Variants in AKAP13 observed in about 807,000 individuals in gnomAD.
AKAP13 encodes A-kinase anchoring protein 13, also known as A-kinase anchor protein 13.
In AKAP13, 80 loss-of-function variants were observed where a neutral mutation model predicts 264.5. That is an observed-to-expected ratio of 0.30 (90% confidence interval 0.25 to 0.36). The LOEUF is 0.36. Ranked by LOEUF, AKAP13 falls within the 10% of genes least tolerant of loss-of-function variation. AKAP13 has a pLI of 1.00. For synonymous variants in AKAP13, 1,380 were observed against 1,250.2 expected, an observed-to-expected ratio of 1.10 and a Z score of -2.19; for missense variants, 3,712 against 3,435.2, an observed-to-expected ratio of 1.08 and a Z score of -2.01.
At chr15:85,402,540 A>C (rs2071474266) in intron 1 of AKAP13, among the ~76,000 whole-genome samples, 1 of 152,198 alleles carries the variant, frequency 6.6e-6, no homozygotes, top group Non-Finnish European at 1.5e-5. Context: ...TGCCCATGAG[A>C]TAGTTCTCAA....
chr15:85,619,797 A>AAGT, intron 8 of AKAP13: 2 of 1,134,658 alleles, frequency 1.8e-6, no homozygotes, highest in Non-Finnish European at 2.2e-6. Context: ...GATCTGCACA[A>AAGT]AGTATAGCAT....
At chr15:85,414,775 A>G (rs1456074457) in intron 1 of AKAP13, among the ~76,000 whole-genome samples, 1 of 152,230 alleles carries the variant, frequency 6.6e-6, no homozygotes, top group Non-Finnish European at 1.5e-5. Context: ...GAGATGTCCT[A>G]GCTTTAAGGA....
chr15:85,442,440 TATAAAATATACATATATAATATAC>T (rs2073703387), intron 1 of AKAP13, among the ~76,000 whole-genome samples: 1 of 126,796 alleles, frequency 7.9e-6, no homozygotes, highest in African/African-American at 2.9e-5. Context: ...ATATATATAA[TATAAAATATACATATATAATATAC>T]ATAATATATA....
At chr15:85,677,113 T>C (rs2084268416) in intron 14 of AKAP13, 1 of 985,478 alleles carries the variant, frequency 1.0e-6, no homozygotes, top group Non-Finnish European at 1.2e-6. Context: ...GTAAGCAACT[T>C]TGGTGTCCAG....
chr15:85,664,101 A>G (rs747561996), intron 12 of AKAP13, among the ~76,000 whole-genome samples: 6 of 152,208 alleles, frequency 3.9e-5, no homozygotes, highest in Non-Finnish European at 8.8e-5. Context: ...GTAAAATTAT[A>G]AAGGTCCACT....
intron 19 of AKAP13, among the ~76,000 whole-genome samples, chr15:85,712,575 ACTCTGTCACCCAG>A: frequency 6.7e-6 from 1 of 149,108 alleles, no homozygotes. Context: ...CAAGAGTCTT[ACTCTGTCACCCAG>A]GCTGGAGTGC....
At chr15:85,563,574 T>C (rs1355828055) in intron 5 of AKAP13, among the ~76,000 whole-genome samples, 2 of 152,128 alleles carry the variant, frequency 1.3e-5, no homozygotes, top group Non-Finnish European at 2.9e-5. Context: ...GCATTCAAAT[T>C]ACCCTGAATA....
chr15:85,669,783 T>G lies in AKAP13; in HGVS notation c.5054T>G (p.Leu1685Trp), dbSNP rs374592720. The G allele has an allele frequency of 6.2e-7, 1 of 1,613,562 alleles. No individual in the cohort carries two copies. The highest frequency in any genetic ancestry group is 8.5e-7 in the Non-Finnish European group (1 of 1,179,630). ...TGTACATCAGCCATTTCCTCTCCAT[T>G]GACAAAATCCATCTCATTAATGACA... ...NYCTSAISSP[L>W]TKSISLMTIS... The change falls in exon 14 of 37, where the codon TTG becomes TGG. Residue 1685 changes from leucine to tryptophan, a missense_variant. Around this residue, in one of 3 missense-constraint regions of AKAP13, gnomAD observed 2,759 missense variants for 2,411.7 expected, o/e 1.14. Coordinates refer to ENST00000394518, the MANE Select transcript of AKAP13 (RefSeq NM_007200.5).
intron 8 of AKAP13, among the ~76,000 whole-genome samples, chr15:85,621,946 T>G (rs929734059): frequency 6.6e-6 from 1 of 152,186 alleles, no homozygotes; most frequent in Non-Finnish European, 1.5e-5. Flanking sequence ...AAACTTCACT[T>G]CTCAGAAAAT....
chr15:85,550,628 A>G (rs1567119626), intron 5 of AKAP13, among the ~76,000 whole-genome samples: 5 of 152,232 alleles, frequency 3.3e-5, no homozygotes. Flanking sequence ...GTGGGTCCTC[A>G]GTAGCCCATC....
chr15:85,720,534 ATTC>A (rs1275825061), intron 23 of AKAP13, among the ~76,000 whole-genome samples: 6 of 152,342 alleles, frequency 3.9e-5, no homozygotes, highest in South Asian at 2.1e-4. Context: ...TTTTTAAAAT[ATTC>A]TTCTTGAAAA....
chr15:85,641,830 A>G (rs1371027688), intron 9 of AKAP13, among the ~76,000 whole-genome samples: 2 of 152,158 alleles, frequency 1.3e-5, no homozygotes, highest in Non-Finnish European at 2.9e-5. Flanking sequence ...ATACTCTTCA[A>G]TAATGGATAA....
At chr15:85,461,373 C>A (rs2074506183) in intron 1 of AKAP13, among the ~76,000 whole-genome samples, 1 of 152,196 alleles carries the variant, frequency 6.6e-6, no homozygotes, top group Non-Finnish European at 1.5e-5. Flanking sequence ...GCCTCGGCCT[C>A]CCAGAGTGCT....
At chr15:85,475,311 C>T (rs150060213) in intron 1 of AKAP13, among the ~76,000 whole-genome samples, 595 of 152,262 alleles carry the variant, frequency 3.9e-3, no homozygotes, top group Non-Finnish European at 6.8e-3. Context: ...TGTGTCTGGA[C>T]CTCCTGGCAG....
At position 85,727,086 on chromosome 15, in the gene AKAP13, C is replaced by G; in HGVS notation, c.6843C>G (p.Ile2281Met). The change falls in exon 28 of 37, where the codon ATC (isoleucine) becomes ATG (methionine). Residue 2281 changes from isoleucine to methionine, a missense_variant. Ile to Met is a conservative substitution (Grantham distance 10). Around this residue, in one of 3 missense-constraint regions of AKAP13, gnomAD observed 342 missense variants for 484.3 expected, o/e 0.71. Coordinates refer to ENST00000394518, the MANE Select transcript of AKAP13 (RefSeq NM_007200.5). The surrounding 1 kb of genome is among the most constrained non-coding windows in gnomAD (Gnocchi z 5.3). ...FASLDQKSTV[I>M]SLKKLIVREV... is the part of the protein sequence containing the mutation. ...TCCAGGACCAGAAGTCAACAGTGAT[C>G]TCTTTAAAGAAGCTGATTGTGAGAG... is the stretch of plus-strand genomic sequence containing the variant. 6.2e-7 allele frequency: 1 copy of G among 1,614,148 alleles called. No homozygotes were observed. Among genetic ancestry groups the G allele is most frequent in the Non-Finnish European group, 8.5e-7 (1 of 1,180,008 alleles).
intron 5 of AKAP13, among the ~76,000 whole-genome samples, chr15:85,571,212 T>C (rs192004863): frequency 6.6e-6 from 1 of 152,294 alleles, no homozygotes; most frequent in East Asian, 1.9e-4. Context: ...AAAATGTATA[T>C]CTCAACCACG....
intron 8 of AKAP13, among the ~76,000 whole-genome samples, chr15:85,592,513 T>TTG (rs2079626785): frequency 1.3e-5 from 2 of 152,222 alleles, no homozygotes; most frequent in South Asian, 4.1e-4. Context: ...TCACATAGTT[T>TTG]TGTGGTGTGT....
At chr15:85,556,522 A>T (rs1198349144) in intron 5 of AKAP13, among the ~76,000 whole-genome samples, 1 of 152,104 alleles carries the variant, frequency 6.6e-6, no homozygotes, top group Non-Finnish European at 1.5e-5. Flanking sequence ...TTGTTTTGTC[A>T]TTTTTGCCTT....
At chr15:85,381,834 C>CA (rs903228910) in intron 1 of AKAP13, 3 of 152,046 alleles carry the variant, frequency 2.0e-5, no homozygotes, top group African/African-American at 7.2e-5. Context: ...GTAGTCCCCC[C>CA]CACAACAAGT....
Sources: allele counts gnomAD v4.1 joint callset (sites outside exome capture counted in the v4.1 genomes callset), GRCh38; gene constraint gnomAD v4.1.1; regional missense constraint gnomAD v4.1.1; non-coding constraint Gnocchi (gnomAD v3.1); transcripts MANE v1.5; gene names NCBI Gene and HGNC (gene_info 2026-07-23, HGNC 2026-07-21).